RBFOX1: variants seen among roughly 807,000 people sequenced by gnomAD.
The protein encoded by RBFOX1 is RNA binding fox-1 homolog 1.
Under a neutral mutation model 57.7 loss-of-function variants are expected in RBFOX1, and 8 were observed. The observed-to-expected ratio is 0.14, with a 90% CI of 0.08 to 0.25. The LOEUF is 0.25. Among genes scored for constraint, RBFOX1 ranks in the 10% least tolerant of loss-of-function variants. The pLI is 1.00. For synonymous variants in RBFOX1, 326 were observed against 222.4 expected (o/e 1.47, Z -4.15); for missense variants, 611 against 548.5 (o/e 1.11, Z -1.14).
intron 2 of RBFOX1, among the ~76,000 whole-genome samples, chr16:6,390,638 C>A (rs549331989): frequency 6.6e-6 from 1 of 151,958 alleles, no homozygotes; most frequent in Non-Finnish European, 1.5e-5. Flanking sequence ...TTAGTTGATG[C>A]GACAGTATAT....
chr16:6,859,130 C>CGTATATATATAAGT, intron 3 of RBFOX1, among the ~76,000 whole-genome samples: 1 of 82,472 alleles, frequency 1.2e-5, no homozygotes, highest in African/African-American at 6.8e-5. Flanking sequence ...TATATATATA[C>CGTATATATATAAGT]ATATATATAC....
rs1376153726 is a variant in RBFOX1, at chr16:5,260,328, ACCT to A, written c.219+20227_219+20229del. Among the ~76,000 whole-genome samples the A allele has an allele frequency of 4.6e-5, 7 of 152,142 alleles. No individual in the cohort carries two copies. In the East Asian group the frequency reaches 1.3e-3, roughly 29 times the overall value. On this transcript the variant is annotated intron_variant, in intron 1 of 2. Coordinates refer to the RBFOX1 transcript ENST00000585867. The stretch of plus-strand genomic sequence containing the variant: ...CAAATCTCACGACCCCAAGAAATAA[ACCT>A]CCTAATATTAAGTGAGCAGCATTCC...
At chr16:6,267,037 G>T (rs72776474) in intron 1 of RBFOX1, among the ~76,000 whole-genome samples, 4 of 152,158 alleles carry the variant, frequency 2.6e-5, no homozygotes, top group African/African-American at 7.2e-5. Context: ...TGATGGGATA[G>T]GTTCTAGTGA....
chr16:6,912,318 G>C (rs922021922), intron 3 of RBFOX1, among the ~76,000 whole-genome samples: 1 of 152,088 alleles, frequency 6.6e-6, no homozygotes, highest in Non-Finnish European at 1.5e-5. Flanking sequence ...AATAGCTCTG[G>C]GGTGGAGCTC....
At chr16:7,515,478 T>TAC (rs144695101) in intron 4 of RBFOX1, among the ~76,000 whole-genome samples, 6,762 of 146,690 alleles carry the variant, frequency 0.046, 415 homozygotes, top group African/African-American at 0.15. Context: ...CACACACACA[T>TAC]ACACACACAC....
At chr16:5,629,957 G>A (rs2048454178) in intron 3 of RBFOX1, among the ~76,000 whole-genome samples, 1 of 152,192 alleles carries the variant, frequency 6.6e-6, no homozygotes, top group African/African-American at 2.4e-5. Context: ...TCACAGGAGA[G>A]CTCCGTGCCT....
intron 2 of RBFOX1, among the ~76,000 whole-genome samples, chr16:5,540,486 T>A (rs2044886521): frequency 6.6e-6 from 1 of 152,210 alleles, no homozygotes; most frequent in African/African-American, 2.4e-5. Context: ...TGGGGAATAT[T>A]ACACATTTTT....
At chr16:7,665,167 G>A (rs761204347) in intron 13 of RBFOX1, among the ~76,000 whole-genome samples, 199 bp downstream of exon 13, 44 of 152,094 alleles carry the variant, frequency 2.9e-4, no homozygotes, top group Admixed American at 1.3e-4. Context: ...GTTTAGTGGG[G>A]TGGAATTAAC....
At chr16:5,801,621 C>G (rs1444724230) in intron 3 of RBFOX1, among the ~76,000 whole-genome samples, 2 of 151,932 alleles carry the variant, frequency 1.3e-5, no homozygotes, top group South Asian at 2.1e-4. Flanking sequence ...TAGGCACACA[C>G]AAAAAAATAC....
chr16:6,990,537 A>T (rs1455431935), intron 3 of RBFOX1, among the ~76,000 whole-genome samples: 1 of 152,058 alleles, frequency 6.6e-6, no homozygotes. Flanking sequence ...AAAAAATAAA[A>T]ATTCTGTTAG....
intron 3 of RBFOX1, among the ~76,000 whole-genome samples, chr16:6,803,960 TG>T (rs2086099123): frequency 6.6e-6 from 1 of 152,198 alleles, no homozygotes; most frequent in South Asian, 2.1e-4. Flanking sequence ...TCCTAATATT[TG>T]CACGTTATAA....
At chr16:6,174,659 C>T (rs2122998) in intron 1 of RBFOX1, among the ~76,000 whole-genome samples, 63,685 of 151,994 alleles carry the variant, frequency 0.42, 13,628 homozygotes, top group Middle Eastern at 0.49. Flanking sequence ...GATATCAGCA[C>T]AAGAACTTCA....
At chr16:7,042,717 G>C (rs1302612065) in intron 3 of RBFOX1, among the ~76,000 whole-genome samples, 9 of 152,174 alleles carry the variant, frequency 5.9e-5, no homozygotes, top group Admixed American at 5.9e-4. Context: ...TTTGAGGTCA[G>C]GAGTTCAAGA....
intron 3 of RBFOX1, among the ~76,000 whole-genome samples, chr16:6,767,908 C>G (rs750352355): frequency 8.1e-6 from 1 of 123,408 alleles, no homozygotes; most frequent in Non-Finnish European, 1.7e-5. Context: ...AGTAAGGACT[C>G]TATCTCAATA....
chr16:5,654,057 C>T lies in RBFOX1; in HGVS notation c.318+55096C>T, dbSNP rs147966574. On this transcript the variant is annotated intron_variant, in intron 3 of 19. Coordinates refer to the RBFOX1 transcript ENST00000641259. ...ATAAGCCTGATGTCAAGAGTTCCAT[C>T]CCTGCCTGTAGTGAAAAGTGCATAG... 9.8e-3 allele frequency among the ~76,000 whole-genome samples: 1,494 copies of T among 152,312 alleles called. 23 individuals are homozygous for T. Among genetic ancestry groups the T allele is most frequent in the African/African-American group, 0.034 (1,427 of 41,566 alleles).
intron 3 of RBFOX1, among the ~76,000 whole-genome samples, chr16:6,811,657 A>C (rs1222216228): frequency 6.6e-6 from 1 of 152,200 alleles, no homozygotes; most frequent in Non-Finnish European, 1.5e-5. Context: ...TGGGAGGCTA[A>C]GGCGGGTAGA....
At chr16:5,689,805 CA>C (rs5815263) in intron 3 of RBFOX1, among the ~76,000 whole-genome samples, 30 of 146,250 alleles carry the variant, frequency 2.1e-4, no homozygotes, top group African/African-American at 4.3e-4. Flanking sequence ...AAATACAGAC[CA>C]AAAAAAAAAA....
At chr16:6,750,564 C>G (rs113955245) in intron 3 of RBFOX1, among the ~76,000 whole-genome samples, 1 of 152,214 alleles carries the variant, frequency 6.6e-6, no homozygotes, top group Non-Finnish European at 1.5e-5. Context: ...GGTGACCGAA[C>G]TATGGTATCT....
intron 2 of RBFOX1, among the ~76,000 whole-genome samples, chr16:6,558,910 C>G (rs917107319): frequency 6.6e-6 from 1 of 152,016 alleles, no homozygotes; most frequent in African/African-American, 2.4e-5. Flanking sequence ...CTGGAATGTG[C>G]CCCTCCTGCC....
Sources: gnomAD v4.1 joint callset for allele counts (sites outside exome capture counted in the v4.1 genomes callset) on GRCh38, gnomAD v4.1.1 for gene constraint, MANE v1.5 for transcripts, NCBI Gene and HGNC (gene_info 2026-07-23, HGNC 2026-07-21) for gene names.